Variants in CCNL1 observed in about 807,000 individuals in gnomAD.
The protein encoded by CCNL1 is cyclin-L1.
Under a neutral mutation model 60.6 loss-of-function variants are expected in CCNL1, and 13 were observed. The ratio of observed to expected loss-of-function variants is 0.21; its 90% CI spans 0.14 to 0.34. The LOEUF (loss-of-function observed/expected upper bound fraction) is 0.34. Ranked by LOEUF, CCNL1 falls within the 10% of genes least tolerant of loss-of-function variation. The probability of loss-of-function intolerance (pLI) is 1.00; values close to 1 mark genes in which losing one functional copy is unlikely to be tolerated. For missense variants in CCNL1, 481 were observed against 664.3 expected (o/e 0.72, Z 3.03); for synonymous variants, 270 against 244.3 (o/e 1.10, Z -0.98).
At chr3:157,156,981 C>T (rs1278395310) in intron 3 of CCNL1, 1 of 1,289,848 alleles carries the variant, frequency 7.8e-7, no homozygotes, top group South Asian at 1.2e-5. Flanking sequence ...GCACTGGCTT[C>T]TCCTTGGGGA....
At chr3:157,156,760 CATT>C (rs1384268842) in intron 3 of CCNL1, among the ~76,000 whole-genome samples, 7 of 152,206 alleles carry the variant, frequency 4.6e-5, no homozygotes, top group East Asian at 1.9e-4. Flanking sequence ...CAAATAGCAT[CATT>C]AAGACAAGTG....
chr3:157,159,316 C>G lies in CCNL1; in HGVS notation c.378+89G>C, dbSNP rs1484234036. On this transcript the variant is annotated intron_variant, in intron 2 of 10. Transcript: ENST00000295926. ...ACAAAGGCCTAAACTAAACCACTCC[C>G]TTTCTGGAAAAGCTGGCTGCTGACA... The G allele has an allele frequency of 2.4e-6, 3 of 1,254,454 alleles. No individual in the cohort carries two copies. The East Asian group carries it at 7.1e-5, about 30-fold the overall frequency. 77.7% of individuals were successfully genotyped at this position (1,254,454 alleles called of 1,614,324 possible).
In CCNL1 at chr3:157,152,244, G is replaced by A. The variant is rs746317817; in HGVS notation, c.610-3C>T. 1 of 1,607,870 alleles carries A rather than the reference G, an allele frequency of 6.2e-7. No homozygotes were observed. Among genetic ancestry groups the A allele is most frequent in the Non-Finnish European group, 8.5e-7 (1 of 1,178,216 alleles). ...ACTTGTAAATACATAACAATGATCT[G>A]AAGGACAAGGGAAAAAAACTCAATT... On this transcript the variant is annotated splice_region_variant and splice_polypyrimidine_tract_variant and intron_variant, in intron 4 of 10. Coordinates refer to ENST00000295926, the MANE Select transcript of CCNL1 (RefSeq NM_020307.4).
chr3:157,158,773 G>T, intron 3 of CCNL1, 93 bp downstream of exon 3: 2 of 750,194 alleles, frequency 2.7e-6, no homozygotes, highest in Non-Finnish European at 4.4e-6. Flanking sequence ...TTTTGCATCC[G>T]TATTCACTTG....
chr3:157,148,412 A>G lies in CCNL1; in HGVS notation c.1410T>C (p.Ser470=), dbSNP rs112810419. Residue 470 remains serine (S), a synonymous_variant, in exon 11 of 11, where the codon TCT becomes TCC. Coordinates refer to ENST00000295926, the MANE Select transcript of CCNL1 (RefSeq NM_020307.4). The part of the protein sequence containing the change: ...SNRHGHKRKK[S]RSRSQSKSRD... ...GAGACTTGCTCTGAGATCGAGAACG[A>G]GATTTTTTCCTTTTATGACCATGTC... 3.8e-5 allele frequency: 62 copies of G among 1,614,082 alleles called. No homozygotes were observed. In the African/African-American group the frequency reaches 6.0e-4, roughly 16 times the overall value.
chr3:157,149,444 A>C, intron 9 of CCNL1, 41 bp downstream of exon 9: 1 of 1,609,450 alleles, frequency 6.2e-7, no homozygotes. Context: ...TAAACACATA[A>C]AAGATTCCTC....
rs764909288 is a variant in CCNL1, at chr3:157,148,598, A to T, written c.1233-9T>A. On this transcript the variant is annotated splice_polypyrimidine_tract_variant and intron_variant, in intron 10 of 10. Transcript: ENST00000295926. Reference sequence around the variant, plus strand: ...TCCGCCTATTATTATAGCTTAGATAATAAAAATTTGAAGTTTAGGTTCAGT... The same window carrying T: ...TCCGCCTATTATTATAGCTTAGATATTAAAAATTTGAAGTTTAGGTTCAGT... 6.4e-7 allele frequency: 1 copy of T among 1,571,500 alleles called. No individual in the cohort carries two copies. Among genetic ancestry groups the T allele is most frequent in the Non-Finnish European group, 8.6e-7 (1 of 1,162,314 alleles).
Position 157,159,843 on chromosome 3 carries a change from G to T in CCNL1, c.252C>A (p.Ile84=). The change falls in exon 1 of 11, where the codon ATC becomes ATA. Residue 84 remains isoleucine, a synonymous_variant. Transcript: ENST00000295926. Reference sequence around the variant, plus strand: ...CGGCCTGGATGAGCTCGCAGCCCAGGATGCGTAAGTCCGTCTCACTGGGCA... The same window carrying T: ...CGGCCTGGATGAGCTCGCAGCCCAGTATGCGTAAGTCCGTCTCACTGGGCA... ...LDLPSETDLR[I]LGCELIQAAG... 1 of 1,561,370 alleles carries T rather than the reference G, an allele frequency of 6.4e-7. No homozygotes were observed. The highest frequency in any genetic ancestry group is 8.7e-7 in the Non-Finnish European group (1 of 1,151,388).
downstream of CCNL1, among the ~76,000 whole-genome samples, chr3:157,143,749 C>A (rs1396560005): frequency 6.6e-6 from 1 of 151,958 alleles, no homozygotes; most frequent in African/African-American, 2.4e-5. Context: ...CAGAGTGGGA[C>A]CTGAATAAAG....
chr3:157,154,628 T>C (rs1738455149), intron 3 of CCNL1: 1 of 152,212 alleles, frequency 6.6e-6, no homozygotes, highest in African/African-American at 2.4e-5. Flanking sequence ...GAGTAAAAAG[T>C]CAGTTATCAT....
chr3:157,150,543 T>C, intron 5 of CCNL1, 162 bp from the exon 6 acceptor site: 1 of 1,374,330 alleles, frequency 7.3e-7, no homozygotes, highest in South Asian at 1.8e-5. Context: ...AAAAAATCAG[T>C]AAGCAATAAG....
At chr3:157,152,941 G>A in intron 4 of CCNL1, 95 bp downstream of exon 4, 1 of 1,551,432 alleles carries the variant, frequency 6.4e-7, no homozygotes, top group Non-Finnish European at 8.6e-7. Context: ...TAAAACCAAG[G>A]TTAACACTCA....
At chr3:157,151,436 A>T in intron 5 of CCNL1, 1 of 985,816 alleles carries the variant, frequency 1.0e-6, no homozygotes, top group East Asian at 1.1e-4. Flanking sequence ...GCAATATTAT[A>T]GTAACATCTC....
At chr3:157,146,303 A>G (rs1435228985), downstream of CCNL1, among the ~76,000 whole-genome samples, 2 of 152,180 alleles carry the variant, frequency 1.3e-5, no homozygotes, top group African/African-American at 2.4e-5. Flanking sequence ...AACTTAGAAA[A>G]CGGATTCAGT....
At chr3:157,151,351 G>A (rs1425250379) in intron 5 of CCNL1, 1 of 985,678 alleles carries the variant, frequency 1.0e-6, no homozygotes, top group African/African-American at 1.7e-5. Flanking sequence ...AAACTCCTTG[G>A]CTTGACCTTT....
chr3:157,149,296 G>A lies in CCNL1; in HGVS notation c.1223C>T (p.Pro408Leu). Reference protein sequence around the residue: ...RTRSRSRSHTPRRHYNNRRSR... With the variant: ...RTRSRSRSHTLRRHYNNRRSR... ...GAAAACATTTACTTACTGTCTTCTT[G>A]GAGTATGTGATCTAGAACGTGATCG... The change falls in exon 10 of 11, where the codon CCA (proline) becomes CTA (leucine). Residue 408 changes from proline to leucine, a missense_variant. By Grantham distance (98) the Pro-to-Leu change is moderately conservative. Around this residue, in one of 5 missense-constraint regions of CCNL1, gnomAD observed 197 missense variants for 233.9 expected, o/e 0.84. Coordinates refer to ENST00000295926, the MANE Select transcript of CCNL1 (RefSeq NM_020307.4). The A allele has an allele frequency of 6.2e-7, 1 of 1,609,858 alleles. No individual in the cohort carries two copies. The highest frequency in any genetic ancestry group is 8.5e-7 in the Non-Finnish European group (1 of 1,176,200).
chr3:157,146,003 T>G (rs759964456), downstream of CCNL1, among the ~76,000 whole-genome samples: 1 of 152,220 alleles, frequency 6.6e-6, no homozygotes, highest in Non-Finnish European at 1.5e-5. Flanking sequence ...GGCATTACTT[T>G]TAACTCTTAC....
At chr3:157,152,336 G>T in intron 4 of CCNL1, 95 bp from the exon 5 acceptor site, 1 of 1,533,868 alleles carries the variant, frequency 6.5e-7, no homozygotes, top group Non-Finnish European at 8.7e-7. Context: ...TTAGACTCAA[G>T]TTCTAATTGT....
intron 1 of CCNL1, 62 bp downstream of exon 1, chr3:157,159,730 G>A: frequency 2.2e-6 from 3 of 1,367,864 alleles, no homozygotes; most frequent in Non-Finnish European, 2.9e-6. Context: ...ATACTGAGAT[G>A]CGGCGTAGGG....
Sources: allele counts gnomAD v4.1 joint callset (sites outside exome capture counted in the v4.1 genomes callset), GRCh38; gene constraint gnomAD v4.1.1; regional missense constraint gnomAD v4.1.1; transcripts MANE v1.5; gene names NCBI Gene and HGNC (gene_info 2026-07-23, HGNC 2026-07-21).